Variants in RHBDD1 observed in about 807,000 individuals in gnomAD.
RHBDD1 encodes the protein rhomboid-related protein 4.
In RHBDD1, 38 loss-of-function variants were observed where a neutral mutation model predicts 36.3. The ratio of observed to expected loss-of-function variants is 1.05; its 90% CI spans 0.81 to 1.37. The LOEUF (loss-of-function observed/expected upper bound fraction) is 1.37, where lower values mean the gene tolerates loss of function less well. RHBDD1 is among the 40% of genes most tolerant of loss of function. RHBDD1 has a pLI of 0.00. For missense variants in RHBDD1, 393 were observed against 377.6 expected, an observed-to-expected ratio of 1.04 and a Z score of -0.34; for synonymous variants, 151 against 136.5, an observed-to-expected ratio of 1.11 and a Z score of -0.74.
chr2:226,977,530 T>A (rs1954824118), intron 8 of RHBDD1, among the ~76,000 whole-genome samples: 1 of 152,206 alleles, frequency 6.6e-6, no homozygotes, highest in Non-Finnish European at 1.5e-5. Flanking sequence ...GTGCATTATG[T>A]ATAATTTGTA....
At chr2:226,976,865 G>C (rs547631850) in intron 8 of RHBDD1, among the ~76,000 whole-genome samples, 1 of 152,224 alleles carries the variant, frequency 6.6e-6, no homozygotes, top group South Asian at 2.1e-4. Flanking sequence ...TTCCCCACTT[G>C]GTGGCATTTT....
In RHBDD1 at chr2:226,839,795, A is replaced by G. The variant is rs147068769; in HGVS notation, c.-91+168A>G. Among the ~76,000 whole-genome samples, 147 of 151,814 alleles carry G rather than the reference A, an allele frequency of 9.7e-4. No homozygotes were observed. The Middle Eastern group carries it at 0.01, about 11-fold the overall frequency. ...ATTCTGTGCACTTTTTTGAGGAATT[A>G]GCTTTTTAAAAAATCCCTCCAAGTT... On this transcript the variant is annotated intron_variant, in intron 3 of 8. Transcript: ENST00000392062.
intron 3 of RHBDD1, among the ~76,000 whole-genome samples, chr2:226,852,629 T>TC (rs1263272799): frequency 5.9e-5 from 9 of 152,228 alleles, no homozygotes; most frequent in African/African-American, 2.2e-4. Context: ...AGAAATAAAT[T>TC]TCTGTTGTTT....
At chr2:226,812,787 T>G in the RHBDD1 span, among the ~76,000 whole-genome samples, 1 of 152,236 alleles carries the variant, frequency 6.6e-6, no homozygotes, top group Non-Finnish European at 1.5e-5. Context: ...TTTGTTTTGT[T>G]AAAGACATCC....
chr2:226,897,490 G>A (rs929070593), intron 5 of RHBDD1, among the ~76,000 whole-genome samples: 2 of 152,104 alleles, frequency 1.3e-5, no homozygotes, highest in African/African-American at 4.8e-5. Flanking sequence ...CCTGAATCTG[G>A]GTAATTTATA....
intron 3 of RHBDD1, among the ~76,000 whole-genome samples, chr2:226,849,422 G>C (rs992102795): frequency 2.0e-5 from 3 of 152,230 alleles, no homozygotes; most frequent in Admixed American, 6.5e-5. Flanking sequence ...GAGGGAGTCA[G>C]GTTGGGAGCT....
chr2:226,915,480 G>A (rs1463313162), intron 8 of RHBDD1, among the ~76,000 whole-genome samples: 2 of 152,196 alleles, frequency 1.3e-5, no homozygotes, highest in Admixed American at 1.3e-4. Flanking sequence ...TGCCAGTAGA[G>A]CTCTGCATGG....
At chr2:226,846,501 T>G (rs1232239312) in intron 3 of RHBDD1, among the ~76,000 whole-genome samples, 2 of 152,108 alleles carry the variant, frequency 1.3e-5, no homozygotes, top group South Asian at 2.1e-4. Context: ...CCCAGCACTT[T>G]GGGAGGCTGA....
intron 8 of RHBDD1, among the ~76,000 whole-genome samples, chr2:226,990,987 C>CT (rs1413109793): frequency 6.6e-6 from 1 of 152,214 alleles, no homozygotes; most frequent in Non-Finnish European, 1.5e-5. Flanking sequence ...CACTCCAGCT[C>CT]TGTCAGTCAC....
chr2:226,811,094 C>A, the RHBDD1 span: 1 of 152,098 alleles, frequency 6.6e-6, no homozygotes, highest in Non-Finnish European at 1.5e-5. Context: ...ATAACTGAGA[C>A]TATTTAAAGA....
At chr2:226,908,529 C>T in intron 6 of RHBDD1, 1 of 328,104 alleles carries the variant, frequency 3.0e-6, no homozygotes, top group Non-Finnish European at 5.7e-6. Context: ...GGTACTTTGG[C>T]AGGCAAAGAC....
At chr2:226,883,929 G>A (rs1008002466) in intron 5 of RHBDD1, among the ~76,000 whole-genome samples, 9 of 151,950 alleles carry the variant, frequency 5.9e-5, no homozygotes, top group African/African-American at 1.9e-4. Flanking sequence ...TTTTTTTCTG[G>A]CTAATATTTT....
Position 226,928,800 on chromosome 2 carries a change from AT to A in RHBDD1, c.856+14451del, listed in dbSNP as rs1949834315. Among the ~76,000 whole-genome samples the A allele has an allele frequency of 2.6e-4, 40 of 152,104 alleles. 1 individual carries two copies. Among genetic ancestry groups the A allele is most frequent in the Admixed American group, 2.6e-3 (40 of 15,252 alleles). On this transcript the variant is annotated intron_variant, in intron 8 of 8. Transcript: ENST00000392062. Reference sequence around the variant, plus strand: ...AAGAGAGAAGATTCAAATAAGCTGAATTAGAAATGAAAATGGAGACACTACA... The same window carrying A: ...AAGAGAGAAGATTCAAATAAGCTGAATAGAAATGAAAATGGAGACACTACA...
chr2:226,908,744 G>T, intron 6 of RHBDD1, 78 bp from the exon 7 acceptor site: 9 of 964,548 alleles, frequency 9.3e-6, no homozygotes, highest in Admixed American at 3.6e-5. Context: ...TTTGTCCAGA[G>T]AACTTTCTAA....
chr2:226,926,333 A>T (rs950896179), intron 8 of RHBDD1, among the ~76,000 whole-genome samples: 1 of 152,180 alleles, frequency 6.6e-6, no homozygotes, highest in Non-Finnish European at 1.5e-5. Context: ...TAGTCCAAAT[A>T]TGAAATTTTC....
intron 5 of RHBDD1, among the ~76,000 whole-genome samples, chr2:226,893,041 C>T (rs909761683): frequency 2.0e-5 from 3 of 152,166 alleles, no homozygotes; most frequent in African/African-American, 7.2e-5. Flanking sequence ...CAAGGAAATA[C>T]AGTAGACAGC....
At chr2:226,889,115 C>T (rs979585013) in intron 5 of RHBDD1, among the ~76,000 whole-genome samples, 14 of 152,144 alleles carry the variant, frequency 9.2e-5, no homozygotes, top group Non-Finnish European at 1.0e-4. Context: ...GATTGCTATC[C>T]AGGGTCTTGA....
chr2:226,978,362 A>C lies in RHBDD1; in HGVS notation c.857-17069A>C, dbSNP rs549219783. Among the ~76,000 whole-genome samples the C allele has an allele frequency of 4.6e-5, 7 of 152,336 alleles. No homozygotes were observed. The South Asian group carries it at 1.4e-3, about 32-fold the overall frequency. On this transcript the variant is annotated intron_variant, in intron 8 of 8. Transcript: ENST00000392062. ...CCAAGCCACTAGTTGGAGTAGAGAA[A>C]GGTTGGATGGTAAAGGGAAACATGT...
intron 5 of RHBDD1, among the ~76,000 whole-genome samples, chr2:226,897,069 T>C (rs951611535): frequency 1.3e-5 from 2 of 152,140 alleles, no homozygotes; most frequent in South Asian, 2.1e-4. Flanking sequence ...TCCCAAATGC[T>C]AGGTTTACAG....
Sources: allele counts gnomAD v4.1 joint callset (sites outside exome capture counted in the v4.1 genomes callset), GRCh38; gene constraint gnomAD v4.1.1; transcripts MANE v1.5; gene names NCBI Gene and HGNC (gene_info 2026-07-23, HGNC 2026-07-21).